Variants in TPRG1 observed in about 807,000 individuals in gnomAD.
TPRG1 encodes the protein tumor protein p63 regulated 1.
In TPRG1, 29 loss-of-function variants were observed where a neutral mutation model predicts 29.3. The ratio of observed to expected loss-of-function variants is 0.99; its 90% CI spans 0.74 to 1.35. TPRG1 has a LOEUF of 1.35. Ranked by LOEUF, TPRG1 falls within the 40% of genes most tolerant of loss-of-function variation. The probability of loss-of-function intolerance (pLI) is 0.00; values close to 1 mark genes in which losing one functional copy is unlikely to be tolerated. For missense variants in TPRG1, 327 were observed against 335.0 expected, an observed-to-expected ratio of 0.98 and a Z score of 0.19; for synonymous variants, 130 against 116.8, an observed-to-expected ratio of 1.11 and a Z score of -0.73.
At chr3:189,248,242 T>C (rs1741645762) in intron 4 of TPRG1, among the ~76,000 whole-genome samples, 1 of 151,888 alleles carries the variant, frequency 6.6e-6, no homozygotes, top group Non-Finnish European at 1.5e-5. Flanking sequence ...TTATGTCTTA[T>C]TAGAAGATCA....
intron 2 of TPRG1, chr3:189,000,966 T>G (rs1028593601): frequency 6.6e-6 from 1 of 152,244 alleles, no homozygotes; most frequent in African/African-American, 2.4e-5. Context: ...CAGGCTGGCT[T>G]CAAGTGATCC....
intron 4 of TPRG1, among the ~76,000 whole-genome samples, chr3:189,308,903 G>GA (rs950918460): frequency 1.3e-5 from 2 of 151,432 alleles, no homozygotes; most frequent in Admixed American, 6.6e-5. Flanking sequence ...TGTCAGGCCA[G>GA]AAAAAAAAGA....
chr3:189,300,997 G>A (rs1720734694), intron 4 of TPRG1, among the ~76,000 whole-genome samples: 1 of 152,024 alleles, frequency 6.6e-6, no homozygotes, highest in Non-Finnish European at 1.5e-5. Flanking sequence ...ATGAGATAAT[G>A]GATGATAAAA....
At chr3:189,134,496 T>TTGAC (rs1297298617) in intron 3 of TPRG1, among the ~76,000 whole-genome samples, 1 of 149,248 alleles carries the variant, frequency 6.7e-6, no homozygotes, top group Non-Finnish European at 1.5e-5. Flanking sequence ...CACTGCGGCC[T>TTGAC]TGACTTCCCT....
Position 189,247,056 on chromosome 3 carries a change from C to A in TPRG1, c.479+8147C>A, listed in dbSNP as rs528935148. ...GGTTTGGGGCTATTACTTTTTATTT[C>A]ATTTTTTCTTTCTATTTGTTTTCCT... On this transcript the variant is annotated intron_variant, in intron 4 of 5. Coordinates refer to ENST00000345063, the MANE Select transcript of TPRG1 (RefSeq NM_198485.4). Among the ~76,000 whole-genome samples the A allele has an allele frequency of 2.8e-4, 43 of 152,052 alleles. 1 individual carries two copies. In the East Asian group the frequency reaches 8.3e-3, roughly 29 times the overall value.
intron 2 of TPRG1, among the ~76,000 whole-genome samples, chr3:189,127,830 C>T (rs1010162121): frequency 6.6e-6 from 1 of 152,114 alleles, no homozygotes; most frequent in Non-Finnish European, 1.5e-5. Context: ...AAGTTGTCTT[C>T]CCTCAGACTC....
chr3:189,094,359 C>T (rs1205291159), intron 4 of TPRG1, among the ~76,000 whole-genome samples: 2 of 152,130 alleles, frequency 1.3e-5, no homozygotes, highest in Non-Finnish European at 2.9e-5. Context: ...TCTCTTCTTC[C>T]AACACTCCAT....
At chr3:189,135,205 C>T (rs1723597345) in intron 3 of TPRG1, among the ~76,000 whole-genome samples, 1 of 152,130 alleles carries the variant, frequency 6.6e-6, no homozygotes, top group African/African-American at 2.4e-5. Flanking sequence ...CATACAGTCC[C>T]TGGGCCAAAA....
chr3:189,041,137 C>T (rs750480474), intron 4 of TPRG1, among the ~76,000 whole-genome samples: 6 of 152,150 alleles, frequency 3.9e-5, no homozygotes, highest in African/African-American at 1.4e-4. Flanking sequence ...TTTAGGATGT[C>T]GCTAGGCTCC....
chr3:189,260,424 T>A (rs1378279898), intron 4 of TPRG1, among the ~76,000 whole-genome samples: 2 of 152,194 alleles, frequency 1.3e-5, no homozygotes, highest in Non-Finnish European at 2.9e-5. Flanking sequence ...TTGTATTGAA[T>A]CCTATACCCT....
Position 189,172,077 on chromosome 3 carries a change from C to T in TPRG1, c.-64C>T, listed in dbSNP as rs1466101667. ...ACCTCTCCTGGCCACTATCTGTGGT[C>T]TAGCCCCCTTTGTGCAGAAAGAGAA... On this transcript the variant is annotated 5_prime_UTR_variant, in exon 1 of 6. Transcript: ENST00000345063. 6.6e-6 allele frequency: 1 copy of T among 152,284 alleles called. No homozygotes were observed. The highest frequency in any genetic ancestry group is 2.4e-5 in the African/African-American group (1 of 41,446). The allele number at this position is 152,284 out of a possible 1,614,324, so 9.4% of individuals were successfully genotyped here.
At chr3:189,204,947 T>TCTCACACACACACACACACA (rs766857963) in intron 1 of TPRG1, among the ~76,000 whole-genome samples, 1 of 147,068 alleles carries the variant, frequency 6.8e-6, no homozygotes, top group African/African-American at 2.5e-5. Flanking sequence ...TCTCTCTCTC[T>TCTCACACACACACACACACA]CACACACACA....
intron 4 of TPRG1, among the ~76,000 whole-genome samples, chr3:189,264,853 A>G (rs1713781123): frequency 6.6e-6 from 1 of 152,194 alleles, no homozygotes; most frequent in African/African-American, 2.4e-5. Context: ...TTCTTCTTCA[A>G]ATGAATCATT....
chr3:189,256,100 A>T (rs1298002710), intron 4 of TPRG1, among the ~76,000 whole-genome samples: 4 of 151,938 alleles, frequency 2.6e-5, no homozygotes, highest in African/African-American at 7.3e-5. Flanking sequence ...TTTAATTGTG[A>T]TGTTAGGGTG....
chr3:189,060,103 A>G (rs1716003032), intron 4 of TPRG1, among the ~76,000 whole-genome samples: 1 of 152,104 alleles, frequency 6.6e-6, no homozygotes, highest in Non-Finnish European at 1.5e-5. Context: ...GTGGTGGCGC[A>G]TGCCTGTAAT....
intron 4 of TPRG1, among the ~76,000 whole-genome samples, chr3:189,087,086 T>C (rs1374565925): frequency 6.6e-6 from 1 of 152,230 alleles, no homozygotes; most frequent in Non-Finnish European, 1.5e-5. Context: ...CGCCACACTG[T>C]CTTCCACAGT....
At chr3:189,219,756 G>A in intron 3 of TPRG1, 1 of 1,122,970 alleles carries the variant, frequency 8.9e-7, no homozygotes. Context: ...GTGGTGGTGG[G>A]CGATTGTTGT....
chr3:189,200,572 C>A (rs1733307934), intron 1 of TPRG1, among the ~76,000 whole-genome samples: 1 of 152,190 alleles, frequency 6.6e-6, no homozygotes, highest in Non-Finnish European at 1.5e-5. Context: ...GGACTAACTC[C>A]TGATCTTCCT....
intron 1 of TPRG1, among the ~76,000 whole-genome samples, chr3:189,189,469 A>T (rs1039715018): frequency 5.3e-5 from 8 of 152,160 alleles, no homozygotes; most frequent in Non-Finnish European, 1.2e-4. Context: ...TTGTTATTTT[A>T]AAAAAATTGG....
Sources: allele counts gnomAD v4.1 joint callset (sites outside exome capture counted in the v4.1 genomes callset), GRCh38; gene constraint gnomAD v4.1.1; transcripts MANE v1.5; gene names NCBI Gene and HGNC (gene_info 2026-07-23, HGNC 2026-07-21).